The following MYO7A variants were observed in gnomAD, a reference collection of about 807,000 sequenced individuals.
MYO7A encodes the protein myosin VIIA.
Under a neutral mutation model 263.8 loss-of-function variants are expected in MYO7A, and 210 were observed. That is an observed-to-expected ratio of 0.80 (90% CI 0.71 to 0.89). The LOEUF (loss-of-function observed/expected upper bound fraction) is 0.89, where lower values mean the gene tolerates loss of function less well. MYO7A is among the 40% of genes least tolerant of loss of function. MYO7A has a pLI of 0.00. For synonymous variants in MYO7A, 1,239 were observed against 1,197.3 expected (o/e 1.03, Z -0.72); for missense variants, 2,820 against 2,968.3 (o/e 0.95, Z 1.16).
rs1193445980 is a variant in MYO7A at position 77,180,706 on chromosome 11, GC to G, written c.2694+228del. ...GGTGGCTCCAGAGGAAGAGGCCCAG[GC>G]CCTCAGCAGCCCCTTTCTAGTTGTT... On this transcript the variant is annotated intron_variant, in intron 22 of 48. Transcript: ENST00000409709. Among the ~76,000 whole-genome samples the G allele has an allele frequency of 2.6e-5, 4 of 152,316 alleles. No homozygotes were observed. In the East Asian group the frequency reaches 5.8e-4, roughly 22 times the overall value.
rs1179666756 is a variant in MYO7A, at chr11:77,211,290, G to A, written c.6190G>A (p.Val2064Met). 1.9e-6 allele frequency: 3 copies of A among 1,582,618 alleles called. No homozygotes were observed. Among genetic ancestry groups the A allele is most frequent in the South Asian group, 1.2e-5 (1 of 86,104 alleles). The change falls in exon 45 of 49, where the codon GTG (valine) becomes ATG (methionine). Residue 2064 changes from valine (V) to methionine (M), a missense_variant. By Grantham distance (21) the Val-to-Met change is conservative. Transcript: ENST00000409709. Reference protein sequence around the residue: ...PSIPKLLRELVPQDLIRQVSP... With the variant: ...PSIPKLLRELMPQDLIRQVSP... Reference sequence around the variant, plus strand: ...CATCCCCAAGCTGCTGCGGGAGCTGGTGCCCCAGGACCTTATCCGGCAGGT... The same window carrying A: ...CATCCCCAAGCTGCTGCGGGAGCTGATGCCCCAGGACCTTATCCGGCAGGT...
intron 44 of MYO7A, chr11:77,209,215 A>G: frequency 5.6e-6 from 1 of 179,408 alleles, no homozygotes. Flanking sequence ...CTCTTCTCTC[A>G]TTCTGTCCTC....
intron 36 of MYO7A, among the ~76,000 whole-genome samples, chr11:77,201,911 T>C (rs1261539545): frequency 1.3e-5 from 2 of 151,782 alleles, no homozygotes; most frequent in African/African-American, 4.8e-5. Flanking sequence ...GAACAGGCAG[T>C]GGGGGCACAG....
rs2135448018 is a variant in MYO7A at position 77,177,541 on chromosome 11, C to T, written c.2188-8C>T. The T allele has an allele frequency of 6.2e-7, 1 of 1,605,294 alleles. No homozygotes were observed. The highest frequency in any genetic ancestry group is 8.5e-7 in the Non-Finnish European group (1 of 1,175,828). Reference sequence around the variant, plus strand: ...TGTGGGGCGCTGCTCAGGAGCTCTGCCTCCTAGGACCACCATGACATGCTG... The same window carrying T: ...TGTGGGGCGCTGCTCAGGAGCTCTGTCTCCTAGGACCACCATGACATGCTG... On this transcript the variant is annotated splice_polypyrimidine_tract_variant and splice_region_variant and intron_variant, in intron 18 of 48. Coordinates refer to ENST00000409709, the MANE Select transcript of MYO7A (RefSeq NM_000260.4).
chr11:77,166,278 G>A, intron 15 of MYO7A, 116 bp downstream of exon 15: 1 of 876,144 alleles, frequency 1.1e-6, no homozygotes, highest in South Asian at 1.4e-5. Context: ...TAATGGGTAT[G>A]GAGCTTTGCT....
intron 24 of MYO7A, 93 bp from the exon 25 acceptor site, chr11:77,182,331 G>A: frequency 6.8e-7 from 1 of 1,465,718 alleles, no homozygotes. Flanking sequence ...GCGGGAGGGG[G>A]TGTCTCCAGC....
intron 9 of MYO7A, 33 bp from the exon 10 acceptor site, chr11:77,159,414 C>A: frequency 1.2e-5 from 16 of 1,376,226 alleles, no homozygotes; most frequent in African/African-American, 1.4e-5. Flanking sequence ...CCCACCCTCC[C>A]TCCCCTGATG....
chr11:77,185,860 T>C (rs1955608231), intron 27 of MYO7A, among the ~76,000 whole-genome samples: 1 of 152,110 alleles, frequency 6.6e-6, no homozygotes, highest in East Asian at 1.9e-4. Context: ...CCTTGATCCA[T>C]AGGTTGCAGA....
chr11:77,194,319 G>C (rs748478829), intron 31 of MYO7A, 35 bp from the exon 32 acceptor site: 2 of 1,597,244 alleles, frequency 1.3e-6, no homozygotes, highest in Non-Finnish European at 1.7e-6. Context: ...GGAGGGGCCT[G>C]GGCCAATGCA....
chr11:77,187,217 C>T (rs1465835369), intron 27 of MYO7A, among the ~76,000 whole-genome samples: 1 of 152,108 alleles, frequency 6.6e-6, no homozygotes, highest in Non-Finnish European at 1.5e-5. Context: ...TCTAGTATTG[C>T]CAAAATGTGA....
At chr11:77,140,451 C>T (rs561086203) in intron 2 of MYO7A, among the ~76,000 whole-genome samples, 87 of 152,340 alleles carry the variant, frequency 5.7e-4, no homozygotes, top group African/African-American at 1.9e-3. Flanking sequence ...ACCTTGGGCA[C>T]GTTTCTTGAC....
intron 46 of MYO7A, chr11:77,212,410 G>T: frequency 2.8e-6 from 1 of 357,256 alleles, no homozygotes; most frequent in Non-Finnish European, 5.5e-6. Flanking sequence ...GGCGAGAGTG[G>T]GCTGTGGAGA....
chr11:77,196,174 C>T (rs1956647119), intron 32 of MYO7A, among the ~76,000 whole-genome samples: 1 of 152,230 alleles, frequency 6.6e-6, no homozygotes, highest in Non-Finnish European at 1.5e-5. Context: ...TGAGACGAGC[C>T]TGGCCAACAT....
chr11:77,145,299 GTGA>G (rs1555053083), intron 3 of MYO7A, among the ~76,000 whole-genome samples: 25 of 152,206 alleles, frequency 1.6e-4, no homozygotes, highest in Non-Finnish European at 1.5e-5. Flanking sequence ...GATGGATGTC[GTGA>G]TCACATCCAT....
In MYO7A at chr11:77,155,296, C is replaced by T. The variant is rs77291081; in HGVS notation, c.286-611C>T. Among the ~76,000 whole-genome samples the T allele has an allele frequency of 1.0e-2, 1,517 of 152,312 alleles. 30 individuals are homozygous for T. The highest frequency in any genetic ancestry group is 0.034 in the African/African-American group (1,418 of 41,566). On this transcript the variant is annotated intron_variant, in intron 4 of 48. Transcript: ENST00000409709. ...CTATCTGAGGTGCACCTGGCCCCTG[C>T]GCCTACGCTGCCCAGGATGGCTGGA...
intron 3 of MYO7A, 68 bp from the exon 4 acceptor site, chr11:77,147,730 C>T (rs939784959): frequency 1.9e-4 from 304 of 1,576,660 alleles, no homozygotes; most frequent in Non-Finnish European, 1.5e-4. Flanking sequence ...CCGCCCGTCC[C>T]GGCCCCTTCC....
rs782311929 is a variant in MYO7A, at chr11:77,172,767, G to C, written c.1817G>C (p.Arg606Pro). The part of the protein sequence containing the change: ...DVAMGAETRK[R>P]SPTLSSQFKR... Reference sequence around the variant, plus strand: ...CCCCAGGGCGCCGAGACCAGGAAGCGCTCGCCCACACTTAGCAGCCAGTTC... The same window carrying C: ...CCCCAGGGCGCCGAGACCAGGAAGCCCTCGCCCACACTTAGCAGCCAGTTC... The change falls in exon 16 of 49, where the codon CGC becomes CCC. Residue 606 changes from arginine to proline, a missense_variant. Transcript: ENST00000409709. The C allele has an allele frequency of 1.9e-6, 3 of 1,558,648 alleles. No individual in the cohort carries two copies. The highest frequency in any genetic ancestry group is 2.6e-6 in the Non-Finnish European group (3 of 1,151,910).
intron 44 of MYO7A, 94 bp from the exon 45 acceptor site, chr11:77,211,058 G>A: frequency 8.3e-7 from 1 of 1,205,008 alleles, no homozygotes; most frequent in Non-Finnish European, 1.2e-6. Flanking sequence ...GGGGTAAGGT[G>A]GTAGACCCCG....
At chr11:77,189,912 A>C in intron 28 of MYO7A, 108 bp from the exon 29 acceptor site, 12 of 1,432,236 alleles carry the variant, frequency 8.4e-6, no homozygotes, top group Non-Finnish European at 1.1e-5. Flanking sequence ...CACAGAAAGC[A>C]ACCTGGCCTG....
Sources: allele counts gnomAD v4.1 joint callset (sites outside exome capture counted in the v4.1 genomes callset), GRCh38; gene constraint gnomAD v4.1.1; transcripts MANE v1.5; gene names NCBI Gene and HGNC (gene_info 2026-07-23, HGNC 2026-07-21).